MACROD2: variants seen among roughly 807,000 people sequenced by gnomAD.
The protein encoded by MACROD2 is mono-ADP ribosylhydrolase 2, also known as ADP-ribose glycohydrolase MACROD2.
In MACROD2, 36 loss-of-function variants were observed where a neutral mutation model predicts 70.4. That is an observed-to-expected ratio of 0.51 (90% CI 0.39 to 0.68). The LOEUF is 0.68. Ranked by LOEUF, MACROD2 falls within the 30% of genes least tolerant of loss-of-function variation. MACROD2 has a pLI of 0.00. For missense variants in MACROD2, 496 were observed against 538.4 expected, an observed-to-expected ratio of 0.92 and a Z score of 0.78; for synonymous variants, 172 against 178.8, an observed-to-expected ratio of 0.96 and a Z score of 0.30.
At chr20:15,625,978 GA>G (rs1373271035) in intron 8 of MACROD2, among the ~76,000 whole-genome samples, 1 of 149,532 alleles carries the variant, frequency 6.7e-6, no homozygotes, top group Non-Finnish European at 1.5e-5. Context: ...AAATCCTGGG[GA>G]AAAGATGCCC....
intron 3 of MACROD2, among the ~76,000 whole-genome samples, chr20:14,311,053 A>G (rs1743189864): frequency 6.6e-6 from 1 of 152,200 alleles, no homozygotes. Context: ...TGAAGAAAGA[A>G]AAATATTTTT....
chr20:14,645,119 G>C (rs1348821796), intron 4 of MACROD2, among the ~76,000 whole-genome samples: 1 of 152,014 alleles, frequency 6.6e-6, no homozygotes, highest in Non-Finnish European at 1.5e-5. Flanking sequence ...CTCCCCTTCA[G>C]TGTTATTTTT....
In MACROD2 at chr20:14,745,326, TA is replaced by T. The variant is rs1206449909; in HGVS notation, c.418+60368del. On this transcript the variant is annotated intron_variant, in intron 5 of 17. Transcript: ENST00000684519. Reference sequence around the variant, plus strand: ...GAGAATGTACTTCTTGCTAAATGTCTATATTTGTATAGGCCTATATGAGTAT... The same window carrying T: ...GAGAATGTACTTCTTGCTAAATGTCTTATTTGTATAGGCCTATATGAGTAT... 4.1e-4 allele frequency among the ~76,000 whole-genome samples: 62 copies of T among 152,196 alleles called. 1 individual carries two copies. Among genetic ancestry groups the T allele is most frequent in the African/African-American group, 1.5e-3 (62 of 41,438 alleles).
At chr20:14,068,892 A>G (rs776989155) in intron 2 of MACROD2, among the ~76,000 whole-genome samples, 10 of 152,278 alleles carry the variant, frequency 6.6e-5, no homozygotes, top group Non-Finnish European at 1.3e-4. Context: ...ATTCTGCCCA[A>G]AGATAAATTT....
At chr20:15,911,507 C>A (rs569747952) in intron 10 of MACROD2, among the ~76,000 whole-genome samples, 1 of 151,118 alleles carries the variant, frequency 6.6e-6, no homozygotes, top group South Asian at 2.1e-4. Context: ...AAAGCGTTAA[C>A]ACTACTTAAA....
At chr20:15,049,688 C>CA (rs1425300251) in intron 5 of MACROD2, among the ~76,000 whole-genome samples, 1 of 152,124 alleles carries the variant, frequency 6.6e-6, no homozygotes, top group Non-Finnish European at 1.5e-5. Context: ...TGGCTCATGC[C>CA]TGTAATCCCA....
chr20:15,524,757 G>A (rs6110654), intron 8 of MACROD2, among the ~76,000 whole-genome samples: 3,343 of 152,236 alleles, frequency 0.022, 135 homozygotes, highest in African/African-American at 0.073. Flanking sequence ...TTGAGCACTA[G>A]CTACATGTAG....
At chr20:15,965,643 A>G (rs2066129743) in intron 12 of MACROD2, among the ~76,000 whole-genome samples, 1 of 152,174 alleles carries the variant, frequency 6.6e-6, no homozygotes, top group Admixed American at 6.6e-5. Flanking sequence ...CAAATTTAAA[A>G]TTTAGCCTGA....
In MACROD2 at chr20:14,449,660, C is replaced by A. The variant is rs964086610; in HGVS notation, c.272-43819C>A. 3.9e-5 allele frequency among the ~76,000 whole-genome samples: 6 copies of A among 152,114 alleles called. No individual in the cohort carries two copies. In the East Asian group the frequency reaches 7.7e-4, roughly 20 times the overall value. ...AATAATAGGTATCATTTATGAATAA[C>A]CCGAGATGGTACAGGTACTCTATAA... On this transcript the variant is annotated intron_variant, in intron 3 of 17. Transcript: ENST00000684519.
At chr20:14,938,546 C>T (rs752046320) in intron 5 of MACROD2, among the ~76,000 whole-genome samples, 12 of 151,960 alleles carry the variant, frequency 7.9e-5, no homozygotes, top group African/African-American at 2.4e-4. Context: ...TTTGGGAGGC[C>T]GAGATGGGCC....
At chr20:14,466,182 A>G (rs2084445586) in intron 3 of MACROD2, among the ~76,000 whole-genome samples, 1 of 152,098 alleles carries the variant, frequency 6.6e-6, no homozygotes, top group African/African-American at 2.4e-5. Context: ...AATTGGACGT[A>G]GATTTGGTCT....
chr20:14,886,862 T>G (rs565042453), intron 5 of MACROD2, among the ~76,000 whole-genome samples: 8 of 152,100 alleles, frequency 5.3e-5, no homozygotes, highest in Admixed American at 5.2e-4. Flanking sequence ...AGAAATAAAA[T>G]TCTTGGAGCC....
At chr20:14,967,190 TTTTG>T (rs752579275) in intron 5 of MACROD2, among the ~76,000 whole-genome samples, 9 of 152,182 alleles carry the variant, frequency 5.9e-5, no homozygotes, top group Non-Finnish European at 8.8e-5. Flanking sequence ...TTTTTGTTAG[TTTTG>T]TTTGTTTGTT....
chr20:14,737,062 G>C (rs186145199), intron 5 of MACROD2, among the ~76,000 whole-genome samples: 1 of 152,002 alleles, frequency 6.6e-6, no homozygotes, highest in East Asian at 1.9e-4. Flanking sequence ...CCATCAACCC[G>C]TCACCTACAT....
intron 6 of MACROD2, among the ~76,000 whole-genome samples, chr20:15,393,094 A>C (rs73267102): frequency 2.0e-5 from 3 of 152,066 alleles, no homozygotes; most frequent in African/African-American, 7.2e-5. Flanking sequence ...AGAGTGGCCT[A>C]TAATTCTCCT....
chr20:15,620,305 A>G (rs571167495), intron 8 of MACROD2, among the ~76,000 whole-genome samples: 6 of 152,272 alleles, frequency 3.9e-5, no homozygotes, highest in Admixed American at 1.3e-4. Context: ...GTTTGTTATA[A>G]TGAGTCTCAG....
chr20:15,413,054 G>A (rs912598521), intron 6 of MACROD2, among the ~76,000 whole-genome samples: 1 of 152,116 alleles, frequency 6.6e-6, no homozygotes, highest in East Asian at 1.9e-4. Context: ...TATTAAAAAA[G>A]TATCTTTCCT....
chr20:15,930,731 GA>G (rs932439679), intron 10 of MACROD2, among the ~76,000 whole-genome samples: 6 of 152,174 alleles, frequency 3.9e-5, no homozygotes, highest in Admixed American at 1.3e-4. Context: ...CTGTTCTAGG[GA>G]GGGGGGTAGC....
intron 5 of MACROD2, among the ~76,000 whole-genome samples, chr20:14,979,337 A>G (rs2074776078): frequency 6.6e-6 from 1 of 152,160 alleles, no homozygotes; most frequent in African/African-American, 2.4e-5. Flanking sequence ...TCATGGCTTG[A>G]CATAAAATAA....
Sources: gnomAD v4.1 joint callset for allele counts (sites outside exome capture counted in the v4.1 genomes callset) on GRCh38, gnomAD v4.1.1 for gene constraint, MANE v1.5 for transcripts, NCBI Gene and HGNC (gene_info 2026-07-23, HGNC 2026-07-21) for gene names.